Variants in KLHL4 observed in about 807,000 individuals in gnomAD.
KLHL4 encodes kelch-like protein 4.
A neutral mutation model predicts 45.8 loss-of-function variants in KLHL4; 17 were observed. The observed-to-expected ratio is 0.37, with a 90% CI of 0.25 to 0.56. The LOEUF (loss-of-function observed/expected upper bound fraction) is 0.56. Among genes scored for constraint, KLHL4 ranks in the 20% least tolerant of loss-of-function variants. The pLI is 0.79. For missense variants in KLHL4, 544 were observed against 544.9 expected, an observed-to-expected ratio of 1.00 and a Z score of 0.02; for synonymous variants, 224 against 189.9, an observed-to-expected ratio of 1.18 and a Z score of -1.47.
At chrX:87,591,845 A>G (rs1449224789) in intron 1 of KLHL4, among the ~76,000 whole-genome samples, 2 of 112,143 alleles carry the variant, frequency 1.8e-5, no homozygotes, top group East Asian at 5.6e-4. Context: ...TTTATCAATT[A>G]TGTGTGTTAA....
chrX:87,596,811 A>G (rs1162468799), intron 1 of KLHL4, among the ~76,000 whole-genome samples: 1 of 112,508 alleles, frequency 8.9e-6, no homozygotes, highest in Non-Finnish European at 1.9e-5. Context: ...TCTCTTGGGC[A>G]ACCATCCAAA....
At chrX:87,597,428 A>G (rs1921871529) in intron 1 of KLHL4, among the ~76,000 whole-genome samples, 1 of 111,654 alleles carries the variant, frequency 9.0e-6, no homozygotes, top group African/African-American at 3.2e-5. Flanking sequence ...TATTAATACC[A>G]CTTTAAAGTG....
At chrX:87,639,009 C>T (rs1195344871) in intron 9 of KLHL4, among the ~76,000 whole-genome samples, 2 of 110,065 alleles carry the variant, frequency 1.8e-5, no homozygotes, top group African/African-American at 3.3e-5. Flanking sequence ...AAAGATAGTC[C>T]GTGAAAATGG....
intron 1 of KLHL4, among the ~76,000 whole-genome samples, chrX:87,545,125 C>A (rs769303766): frequency 1.4e-4 from 16 of 112,526 alleles, no homozygotes; most frequent in Non-Finnish European, 2.8e-4. Flanking sequence ...AAAGAATCAG[C>A]ATAAATTATG....
chrX:87,621,523 T>TAA (rs35849326), intron 4 of KLHL4, among the ~76,000 whole-genome samples: 42,517 of 100,030 alleles, frequency 0.43, 7,003 homozygotes, highest in Middle Eastern at 0.5. Context: ...TTCACTCTAC[T>TAA]AAAAAAAAAA....
chrX:87,603,132 T>G (rs2147806992), intron 1 of KLHL4, among the ~76,000 whole-genome samples: 1 of 111,322 alleles, frequency 9.0e-6, no homozygotes, highest in Admixed American at 9.6e-5. Context: ...CAGTAATAAT[T>G]TAATTGAGAC....
At chrX:87,658,197 C>T (rs781619115) in intron 9 of KLHL4, among the ~76,000 whole-genome samples, 6 of 111,771 alleles carry the variant, frequency 5.4e-5, no homozygotes, top group Non-Finnish European at 1.1e-4. Flanking sequence ...CCCTTCCTAG[C>T]CTGGTCTTGC....
At chrX:87,580,239 G>T (rs1273547399) in intron 1 of KLHL4, among the ~76,000 whole-genome samples, 2 of 108,256 alleles carry the variant, frequency 1.8e-5, no homozygotes, top group African/African-American at 6.7e-5. Context: ...AAAGGAGGAA[G>T]GAATTAATGC....
Position 87,668,461 on chromosome X carries a change from G to A in KLHL4, c.*1927G>A, listed in dbSNP as rs192583829. On this transcript the variant is annotated 3_prime_UTR_variant, in exon 11 of 11. Coordinates refer to ENST00000373119, the MANE Select transcript of KLHL4 (RefSeq NM_019117.5). ...CATAGAAGAGACATGTATGTTTCCC[G>A]GGGCTACCCCTTCATAGCTGCATTT... The A allele has an allele frequency of 4.0e-3, 2,992 of 751,588 alleles. 5 individuals carry two copies. Among genetic ancestry groups the A allele is most frequent in the Middle Eastern group, 0.011 (15 of 1,316 alleles). 61.9% of individuals were successfully genotyped at this position (751,588 alleles called of 1,213,427 possible).
At chrX:87,567,026 A>G (rs1195666093) in intron 1 of KLHL4, among the ~76,000 whole-genome samples, 3 of 110,768 alleles carry the variant, frequency 2.7e-5, no homozygotes, top group Non-Finnish European at 5.7e-5. Context: ...ACGTTTACCT[A>G]TGTAACAAAC....
chrX:87,631,564 C>T (rs1923096124), intron 6 of KLHL4, among the ~76,000 whole-genome samples: 1 of 111,650 alleles, frequency 9.0e-6, no homozygotes, highest in Admixed American at 9.5e-5. Context: ...CTCTGTCACC[C>T]AGGCTGGTGT....
intron 1 of KLHL4, among the ~76,000 whole-genome samples, chrX:87,534,914 C>T (rs1009245113): frequency 8.9e-6 from 1 of 111,855 alleles, no homozygotes; most frequent in Non-Finnish European, 1.9e-5. Flanking sequence ...TAAATAATCA[C>T]CTTTCAGAAG....
At chrX:87,557,097 A>G (rs1245278603) in intron 1 of KLHL4, among the ~76,000 whole-genome samples, 1 of 112,372 alleles carries the variant, frequency 8.9e-6, no homozygotes, top group East Asian at 2.8e-4. Flanking sequence ...ATTATATGCC[A>G]TCATAAAAAT....
intron 1 of KLHL4, among the ~76,000 whole-genome samples, chrX:87,600,155 G>C (rs1365019157): frequency 9.0e-6 from 1 of 110,760 alleles, no homozygotes; most frequent in African/African-American, 3.3e-5. Flanking sequence ...GGTGATAGGA[G>C]AGCTCTTGCT....
chrX:87,623,971 C>A (rs1465104016), intron 5 of KLHL4, among the ~76,000 whole-genome samples: 1 of 111,836 alleles, frequency 8.9e-6, no homozygotes, highest in Non-Finnish European at 1.9e-5. Context: ...TTCTCATGCC[C>A]CACTGCAGAC....
At chrX:87,555,771 T>C (rs1317699804) in intron 1 of KLHL4, among the ~76,000 whole-genome samples, 3 of 108,316 alleles carry the variant, frequency 2.8e-5, no homozygotes, top group Non-Finnish European at 3.8e-5. Flanking sequence ...CTTTTGAATG[T>C]GTTTGCTCTT....
chrX:87,565,685 C>CAAA lies in KLHL4; in HGVS notation c.422+47396_422+47398dup, dbSNP rs748577568. Among the ~76,000 whole-genome samples the CAAA allele has an allele frequency of 1.5e-4, 4 of 26,254 alleles. 1 individual carries two copies. The highest frequency in any genetic ancestry group is 6.5e-4 in the African/African-American group (4 of 6,130). 22.8% of individuals were successfully genotyped at this position (26,254 alleles called of 115,157 possible). A position where few individuals can be genotyped will look rare whatever the true frequency, so the allele number is the denominator to read the frequency against. On this transcript the variant is annotated intron_variant, in intron 1 of 10. Transcript: ENST00000373119. The stretch of plus-strand genomic sequence containing the variant: ...AGGTTGCAGTGAGCCGTGATTGTGC[C>CAAA]AAAAAAAAAAAAAAAAAAAAAAAAA...
chrX:87,540,127 C>A (rs976403580), intron 1 of KLHL4, among the ~76,000 whole-genome samples: 1 of 111,006 alleles, frequency 9.0e-6, no homozygotes, highest in African/African-American at 3.3e-5. Context: ...GGGCACTTAC[C>A]ATAAATGAAG....
rs773776064 is a variant in KLHL4, at chrX:87,632,404, C to T, written c.1519C>T (p.Pro507Ser). The T allele has an allele frequency of 6.7e-6, 8 of 1,201,591 alleles. No individual in the cohort carries two copies. Among genetic ancestry groups the T allele is most frequent in the Non-Finnish European group, 9.0e-6 (8 of 888,103 alleles). ...AGTTGGCAAAATCTGGACTGTGATG[C>T]CTCCCATGTCAACACATCGGCACGG... Reference protein sequence around the residue: ...NPVGKIWTVMPPMSTHRHGLG... With the variant: ...NPVGKIWTVMSPMSTHRHGLG... Residue 507 changes from proline to serine, a missense_variant, in exon 7 of 11, where the codon CCT becomes TCT. Coordinates refer to ENST00000373119, the MANE Select transcript of KLHL4 (RefSeq NM_019117.5).
Sources: allele counts gnomAD v4.1 joint callset (sites outside exome capture counted in the v4.1 genomes callset), GRCh38; gene constraint gnomAD v4.1.1; transcripts MANE v1.5; gene names NCBI Gene and HGNC (gene_info 2026-07-23, HGNC 2026-07-21).